The following SETBP1 variants were observed in gnomAD, a reference collection of about 807,000 sequenced individuals.
SETBP1 encodes SET-binding protein.
Under a neutral mutation model 101.0 loss-of-function variants are expected in SETBP1, and 9 were observed. That is an observed-to-expected ratio of 0.09 (90% CI 0.05 to 0.16). The LOEUF (loss-of-function observed/expected upper bound fraction) is 0.16, where lower values mean the gene tolerates loss of function less well. Ranked by LOEUF, SETBP1 falls within the 10% of genes least tolerant of loss-of-function variation. The probability of loss-of-function intolerance (pLI) is 1.00; values close to 1 mark genes in which losing one functional copy is unlikely to be tolerated. For synonymous variants in SETBP1, 818 were observed against 788.5 expected, an observed-to-expected ratio of 1.04 and a Z score of -0.63; for missense variants, 1,858 against 2,033.8, an observed-to-expected ratio of 0.91 and a Z score of 1.66.
At chr18:44,936,128 G>A (rs766074347) in intron 3 of SETBP1, among the ~76,000 whole-genome samples, 35 of 152,216 alleles carry the variant, frequency 2.3e-4, no homozygotes, top group Non-Finnish European at 4.6e-4. Flanking sequence ...GAATGTATCT[G>A]AATCAGGACT....
chr18:44,684,797 C>A (rs1468685472), intron 1 of SETBP1, among the ~76,000 whole-genome samples: 1 of 152,050 alleles, frequency 6.6e-6, no homozygotes, highest in Non-Finnish European at 1.5e-5. Flanking sequence ...CAGGCACCCA[C>A]CACCATGCCT....
At chr18:44,982,026 A>T (rs1425032488) in intron 4 of SETBP1, among the ~76,000 whole-genome samples, 1 of 152,224 alleles carries the variant, frequency 6.6e-6, no homozygotes, top group African/African-American at 2.4e-5. Flanking sequence ...GGAAGCATAA[A>T]AAAACACCCC....
intron 3 of SETBP1, among the ~76,000 whole-genome samples, chr18:44,897,624 G>T (rs535325115): frequency 2.6e-5 from 4 of 152,256 alleles, no homozygotes; most frequent in African/African-American, 9.6e-5. Flanking sequence ...GTCTGTGAGA[G>T]GAGAGAAAAT....
At chr18:45,020,914 A>T (rs939003173) in intron 4 of SETBP1, among the ~76,000 whole-genome samples, 2 of 152,154 alleles carry the variant, frequency 1.3e-5, no homozygotes, top group African/African-American at 4.8e-5. Context: ...TATTGAACTA[A>T]TCTCAATGTT....
rs367730949 is a variant in SETBP1, at chr18:45,013,768, G to A, written c.4001-24717G>A. ...TGTTTCTGAGCAGCAGCCACTGAGCGGCTGTGCCCTGTGTCAGTTCCCAGG... is the reference window on the plus strand; with the variant it reads ...TGTTTCTGAGCAGCAGCCACTGAGCAGCTGTGCCCTGTGTCAGTTCCCAGG... On this transcript the variant is annotated intron_variant, in intron 4 of 5. Transcript: ENST00000649279. Among the ~76,000 whole-genome samples, 129 of 152,244 alleles carry A rather than the reference G, an allele frequency of 8.5e-4. 1 individual carries two copies. The highest frequency in any genetic ancestry group is 2.1e-3 in the African/African-American group (89 of 41,554).
At chr18:44,892,842 C>G (rs1179732232) in intron 3 of SETBP1, among the ~76,000 whole-genome samples, 1 of 152,102 alleles carries the variant, frequency 6.6e-6, no homozygotes, top group Non-Finnish European at 1.5e-5. Context: ...CTCAACCAAG[C>G]CTTTATTAAT....
At chr18:45,059,076 ATTGTG>A (rs1410619835) in intron 5 of SETBP1, among the ~76,000 whole-genome samples, 1 of 152,192 alleles carries the variant, frequency 6.6e-6, no homozygotes, top group Non-Finnish European at 1.5e-5. Flanking sequence ...TTTTTTTAAC[ATTGTG>A]TTATCAAAAA....
intron 2 of SETBP1, among the ~76,000 whole-genome samples, chr18:44,734,990 G>A (rs2069932182): frequency 6.6e-6 from 1 of 152,124 alleles, no homozygotes; most frequent in Admixed American, 6.5e-5. Flanking sequence ...CTACTCCTAA[G>A]GAGTTTTGCT....
At chr18:45,027,846 A>G (rs2073200871) in intron 4 of SETBP1, among the ~76,000 whole-genome samples, 1 of 152,202 alleles carries the variant, frequency 6.6e-6, no homozygotes. Flanking sequence ...GCTAAAATCA[A>G]GGAGAGCTCC....
At chr18:45,017,580 AAG>A (rs2072974053) in intron 4 of SETBP1, among the ~76,000 whole-genome samples, 1 of 152,238 alleles carries the variant, frequency 6.6e-6, no homozygotes, top group Admixed American at 6.5e-5. Context: ...GACAGAGACA[AAG>A]AGGTGGCTGT....
intron 2 of SETBP1, among the ~76,000 whole-genome samples, chr18:44,865,639 GA>G (rs2144659704): frequency 6.6e-6 from 1 of 152,268 alleles, no homozygotes; most frequent in Admixed American, 6.5e-5. Flanking sequence ...AATCTGCTTT[GA>G]AAAGGGGAGT....
chr18:44,844,634 A>T (rs1320832840), intron 2 of SETBP1, among the ~76,000 whole-genome samples: 4 of 152,210 alleles, frequency 2.6e-5, no homozygotes, highest in African/African-American at 7.2e-5. Flanking sequence ...ACCCACGATC[A>T]TGAGAAATCA....
intron 4 of SETBP1, among the ~76,000 whole-genome samples, chr18:45,005,831 A>G (rs2072712911): frequency 1.3e-5 from 2 of 150,410 alleles, no homozygotes; most frequent in South Asian, 2.1e-4. Context: ...TATTTTTAGT[A>G]GAGACGGGGT....
chr18:44,712,256 G>A (rs1025205622), intron 2 of SETBP1, among the ~76,000 whole-genome samples: 6 of 152,176 alleles, frequency 3.9e-5, no homozygotes, highest in African/African-American at 1.4e-4. Flanking sequence ...AGGAGGTTGG[G>A]GGTGGGTAGG....
intron 3 of SETBP1, among the ~76,000 whole-genome samples, chr18:44,881,120 T>A (rs771916419): frequency 1.3e-5 from 2 of 152,234 alleles, no homozygotes; most frequent in African/African-American, 4.8e-5. Context: ...ACACATTTTA[T>A]CTTTGGAGTT....
intron 3 of SETBP1, among the ~76,000 whole-genome samples, chr18:44,905,078 T>C (rs936220238): frequency 1.3e-5 from 2 of 152,194 alleles, no homozygotes; most frequent in African/African-American, 4.8e-5. Flanking sequence ...AGACCATGAA[T>C]AAAAGTATAA....
intron 2 of SETBP1, among the ~76,000 whole-genome samples, chr18:44,793,426 C>G (rs754028760): frequency 9.2e-5 from 14 of 152,184 alleles, no homozygotes; most frequent in Admixed American, 3.3e-4. Context: ...TGGTTGACAT[C>G]ACTGGGCCAG....
At chr18:45,053,588 A>G (rs1306130097) in intron 5 of SETBP1, among the ~76,000 whole-genome samples, 1 of 152,212 alleles carries the variant, frequency 6.6e-6, no homozygotes, top group Non-Finnish European at 1.5e-5. Flanking sequence ...TAATACATAA[A>G]CAAATGCAGT....
intron 5 of SETBP1, among the ~76,000 whole-genome samples, chr18:45,044,772 C>A (rs1378281165): frequency 1.3e-5 from 2 of 152,184 alleles, no homozygotes; most frequent in African/African-American, 4.8e-5. Context: ...GTTCATTCAA[C>A]TCTTTAATGC....
Sources: gnomAD v4.1 joint callset for allele counts (sites outside exome capture counted in the v4.1 genomes callset) on GRCh38, gnomAD v4.1.1 for gene constraint, MANE v1.5 for transcripts, NCBI Gene and HGNC (gene_info 2026-07-23, HGNC 2026-07-21) for gene names.